Variants in ROBO2 observed in about 807,000 individuals in gnomAD.
ROBO2 encodes the protein roundabout homolog 2.
ROBO2 carries 53 observed loss-of-function variants against 160.8 expected under a neutral mutation model. That is an observed-to-expected ratio of 0.33 (90% CI 0.26 to 0.41). ROBO2 has a LOEUF of 0.41. Ranked by LOEUF, ROBO2 falls within the 10% of genes least tolerant of loss-of-function variation. The pLI, the probability that ROBO2 is intolerant of heterozygous loss-of-function variation, is 1.00. For missense variants in ROBO2, 1,577 were observed against 1,722.4 expected, an observed-to-expected ratio of 0.92 and a Z score of 1.49; for synonymous variants, 664 against 611.7, an observed-to-expected ratio of 1.09 and a Z score of -1.26.
intron 2 of ROBO2, among the ~76,000 whole-genome samples, chr3:76,636,269 C>A (rs1294866077): frequency 1.3e-5 from 2 of 152,122 alleles, no homozygotes; most frequent in Non-Finnish European, 2.9e-5. Context: ...TAGGTTGAAT[C>A]TCTTTGGTTT....
At chr3:76,919,799 C>A (rs2076549538) in intron 2 of ROBO2, among the ~76,000 whole-genome samples, 1 of 151,996 alleles carries the variant, frequency 6.6e-6, no homozygotes, top group African/African-American at 2.4e-5. Flanking sequence ...ATCCTAAACT[C>A]TTTGAATACT....
At chr3:77,551,856 A>G (rs2092932176) in intron 8 of ROBO2, among the ~76,000 whole-genome samples, 1 of 152,054 alleles carries the variant, frequency 6.6e-6, no homozygotes, top group Admixed American at 6.6e-5. Flanking sequence ...ATTTACATGT[A>G]GATTAAAAGG....
intron 2 of ROBO2, among the ~76,000 whole-genome samples, chr3:76,236,554 G>C (rs1035258628): frequency 6.6e-6 from 1 of 152,040 alleles, no homozygotes; most frequent in Non-Finnish European, 1.5e-5. Flanking sequence ...AGTAATTTTC[G>C]TGTTACTTTC....
intron 2 of ROBO2, among the ~76,000 whole-genome samples, chr3:76,470,577 A>T (rs1364970746): frequency 6.6e-6 from 1 of 152,128 alleles, no homozygotes; most frequent in Non-Finnish European, 1.5e-5. Flanking sequence ...TCTAAGAAGA[A>T]GCATACCAAC....
At chr3:77,191,702 G>A (rs141536319) in intron 2 of ROBO2, among the ~76,000 whole-genome samples, 2 of 152,272 alleles carry the variant, frequency 1.3e-5, no homozygotes, top group East Asian at 3.9e-4. Flanking sequence ...AGGCCTCTGA[G>A]GACCTGAGAA....
At chr3:76,144,433 A>G (rs2071808259) in intron 2 of ROBO2, among the ~76,000 whole-genome samples, 1 of 152,058 alleles carries the variant, frequency 6.6e-6, no homozygotes, top group African/African-American at 2.4e-5. Context: ...TGAAAAGTAC[A>G]AAAAAGTAGA....
chr3:76,941,917 GA>G (rs1349169960), intron 2 of ROBO2, among the ~76,000 whole-genome samples: 1 of 152,104 alleles, frequency 6.6e-6, no homozygotes, highest in Non-Finnish European at 1.5e-5. Context: ...ATCTGATTAA[GA>G]AAGTGAATTC....
intron 1 of ROBO2, chr3:75,937,341 A>C (rs1377700160): frequency 2.6e-6 from 1 of 387,618 alleles, no homozygotes; most frequent in African/African-American, 2.1e-5. Context: ...AAAGGGAAGC[A>C]TGATTTTCAA....
At chr3:76,463,076 G>C (rs1206729619) in intron 2 of ROBO2, among the ~76,000 whole-genome samples, 2 of 152,140 alleles carry the variant, frequency 1.3e-5, no homozygotes, top group African/African-American at 4.8e-5. Context: ...CTGTGGCCAG[G>C]AATCTCCTAC....
At chr3:77,626,716 A>G (rs1379419748) in intron 23 of ROBO2, among the ~76,000 whole-genome samples, 1 of 152,234 alleles carries the variant, frequency 6.6e-6, no homozygotes, top group African/African-American at 2.4e-5. Flanking sequence ...CTCAACGTGT[A>G]GCAAAGATTC....
intron 2 of ROBO2, among the ~76,000 whole-genome samples, chr3:77,352,807 C>G (rs1455017007): frequency 2.0e-5 from 3 of 151,978 alleles, no homozygotes. Context: ...CACTGTAGAC[C>G]CCAGATGTGG....
At chr3:77,235,172 G>A (rs1040567218) in intron 2 of ROBO2, among the ~76,000 whole-genome samples, 5 of 151,902 alleles carry the variant, frequency 3.3e-5, no homozygotes, top group South Asian at 2.1e-4. Context: ...AACAATATTC[G>A]ATAACCTTTA....
In ROBO2 at chr3:76,169,486, T is replaced by C. The variant is rs146685677; in HGVS notation, c.109+231884T>C. Among the ~76,000 whole-genome samples the C allele has an allele frequency of 4.1e-4, 62 of 152,292 alleles. No individual in the cohort carries two copies. In the East Asian group the frequency reaches 0.012, roughly 29 times the overall value. ...AATAAGGTCATCCTAGTTCCTTGCC[T>C]AATGTAAGGCCCTTGATCATGTACT... On this transcript the variant is annotated intron_variant, in intron 2 of 26. Coordinates refer to the ROBO2 transcript ENST00000487694.
At chr3:76,612,873 T>A (rs1225499266) in intron 2 of ROBO2, among the ~76,000 whole-genome samples, 1 of 152,184 alleles carries the variant, frequency 6.6e-6, no homozygotes, top group African/African-American at 2.4e-5. Context: ...GAAGTCTATT[T>A]TTTTCTGACA....
intron 2 of ROBO2, among the ~76,000 whole-genome samples, chr3:76,049,403 A>ATTTTTTTTTTTTTTTTTTT (rs1167852972): frequency 1.1e-4 from 6 of 53,762 alleles, no homozygotes; most frequent in Non-Finnish European, 1.6e-4. Flanking sequence ...ATATATATAT[A>ATTTTTTTTTTTTTTTTTTT]TTTTTTTTTT....
chr3:76,138,800 T>G (rs2071524411), intron 2 of ROBO2, among the ~76,000 whole-genome samples: 1 of 152,154 alleles, frequency 6.6e-6, no homozygotes, highest in Admixed American at 6.6e-5. Flanking sequence ...ATGCCATTTA[T>G]GTTTTATTAC....
At chr3:76,097,036 T>A (rs1244976009) in intron 2 of ROBO2, among the ~76,000 whole-genome samples, 3 of 152,130 alleles carry the variant, frequency 2.0e-5, no homozygotes, top group Non-Finnish European at 4.4e-5. Context: ...GTCTGCTACA[T>A]TACTCAGCAA....
At chr3:76,268,916 C>T (rs1271489100) in intron 2 of ROBO2, among the ~76,000 whole-genome samples, 1 of 152,082 alleles carries the variant, frequency 6.6e-6, no homozygotes, top group Non-Finnish European at 1.5e-5. Flanking sequence ...GACTCTTACT[C>T]CCACACACTA....
At chr3:77,385,754 G>T (rs1040884999) in intron 2 of ROBO2, among the ~76,000 whole-genome samples, 1 of 152,062 alleles carries the variant, frequency 6.6e-6, no homozygotes, top group Non-Finnish European at 1.5e-5. Flanking sequence ...AGTTCCTGCC[G>T]CACAGTAAGA....
Sources: allele counts gnomAD v4.1 joint callset (sites outside exome capture counted in the v4.1 genomes callset), GRCh38; gene constraint gnomAD v4.1.1; transcripts MANE v1.5; gene names NCBI Gene and HGNC (gene_info 2026-07-23, HGNC 2026-07-21).